TSPAN18: variants seen among roughly 807,000 people sequenced by gnomAD.
The protein encoded by TSPAN18 is tetraspanin-18.
A neutral mutation model predicts 27.3 loss-of-function variants in TSPAN18; 14 were observed. The ratio of observed to expected loss-of-function variants is 0.51; its 90% CI spans 0.34 to 0.80. The LOEUF (loss-of-function observed/expected upper bound fraction) is 0.80, where lower values mean the gene tolerates loss of function less well. Among genes scored for constraint, TSPAN18 ranks in the 30% least tolerant of loss-of-function variants. TSPAN18 has a pLI of 0.01. For missense variants in TSPAN18, 268 were observed against 323.9 expected (o/e 0.83, Z 1.32); for synonymous variants, 143 against 136.5 (o/e 1.05, Z -0.33).
intron 2 of TSPAN18, among the ~76,000 whole-genome samples, chr11:44,786,586 G>A (rs1222516728): frequency 2.0e-5 from 3 of 150,062 alleles, no homozygotes; most frequent in Non-Finnish European, 4.4e-5. Flanking sequence ...GGGTGATGTG[G>A]TCACTTCCCT....
In TSPAN18 at chr11:44,747,516, T is replaced by C. The variant is rs182172888; in HGVS notation, c.-239-16910T>C. ...CTGAGCTGCTCAGGAATCTTAAATA[T>C]GATCGTGAATATGACGGTTGCCATT... On this transcript the variant is annotated intron_variant, in intron 1 of 9. Coordinates refer to ENST00000520358, the MANE Select transcript of TSPAN18 (RefSeq NM_130783.5). 3.9e-5 allele frequency among the ~76,000 whole-genome samples: 6 copies of C among 152,308 alleles called. No individual in the cohort carries two copies. In the East Asian group the frequency reaches 7.7e-4, roughly 20 times the overall value.
chr11:44,787,880 C>T (rs1385331969), intron 2 of TSPAN18, among the ~76,000 whole-genome samples: 2 of 151,446 alleles, frequency 1.3e-5, no homozygotes, highest in Non-Finnish European at 2.9e-5. Flanking sequence ...CCCTTCCCAG[C>T]CTGTGTGTTT....
chr11:44,920,048 G>A (rs767608360), intron 8 of TSPAN18, 49 bp downstream of exon 8: 2 of 1,573,228 alleles, frequency 1.3e-6, no homozygotes, highest in Non-Finnish European at 1.7e-6. Context: ...CGGGATTTGG[G>A]TGGCCAGAGC....
At chr11:44,737,617 CACTT>C (rs912476210) in intron 1 of TSPAN18, among the ~76,000 whole-genome samples, 1 of 152,214 alleles carries the variant, frequency 6.6e-6, no homozygotes, top group Non-Finnish European at 1.5e-5. Flanking sequence ...TCAGCTTACA[CACTT>C]AGTTAGGAAA....
chr11:44,763,235 T>C (rs1026708119), intron 1 of TSPAN18, among the ~76,000 whole-genome samples: 1 of 152,140 alleles, frequency 6.6e-6, no homozygotes, highest in Non-Finnish European at 1.5e-5. Context: ...AGGGGAGAGA[T>C]TGGGGAACTT....
intron 2 of TSPAN18, among the ~76,000 whole-genome samples, chr11:44,787,176 C>G (rs1196619378): frequency 6.6e-6 from 1 of 152,110 alleles, no homozygotes; most frequent in African/African-American, 2.4e-5. Context: ...TCTAAGCTGC[C>G]GATATTTGAG....
intron 7 of TSPAN18, 131 bp from the exon 8 acceptor site, chr11:44,919,686 G>T (rs892288000): frequency 2.7e-5 from 24 of 877,446 alleles, no homozygotes; most frequent in Non-Finnish European, 3.9e-5. Context: ...GTCACACAGT[G>T]GTGACAGGTG....
intron 5 of TSPAN18, 65 bp downstream of exon 5, chr11:44,909,964 C>T: frequency 2.0e-6 from 3 of 1,517,748 alleles, no homozygotes; most frequent in Non-Finnish European, 2.7e-6. Flanking sequence ...TGGCTGCAGA[C>T]TCCCAGGCCC....
At chr11:44,805,139 A>G (rs1856565014) in intron 2 of TSPAN18, among the ~76,000 whole-genome samples, 1 of 152,204 alleles carries the variant, frequency 6.6e-6, no homozygotes, top group Non-Finnish European at 1.5e-5. Flanking sequence ...CCCAGCAGAA[A>G]CAGAGCTGGT....
intron 3 of TSPAN18, among the ~76,000 whole-genome samples, chr11:44,870,894 C>T (rs756393007): frequency 6.6e-6 from 1 of 152,156 alleles, no homozygotes; most frequent in Non-Finnish European, 1.5e-5. Flanking sequence ...TTCTACTCAT[C>T]GTTTCTAGTT....
intron 2 of TSPAN18, among the ~76,000 whole-genome samples, chr11:44,782,619 C>T (rs1290237226): frequency 6.6e-6 from 1 of 151,750 alleles, no homozygotes; most frequent in African/African-American, 2.4e-5. Flanking sequence ...TTGTTTTTCA[C>T]TCCCATCAGC....
At chr11:44,881,895 G>C (rs1350157600) in intron 3 of TSPAN18, among the ~76,000 whole-genome samples, 1 of 152,176 alleles carries the variant, frequency 6.6e-6, no homozygotes, top group African/African-American at 2.4e-5. Flanking sequence ...TTCTATAAAG[G>C]ACCTGTTTCC....
At chr11:44,803,342 G>T (rs928534392) in intron 2 of TSPAN18, among the ~76,000 whole-genome samples, 4 of 152,136 alleles carry the variant, frequency 2.6e-5, no homozygotes, top group African/African-American at 7.2e-5. Context: ...CATGGGTTGG[G>T]GGGGCATTTT....
At chr11:44,771,939 GTGAGTATAGAGGC>G (rs1855698898) in intron 2 of TSPAN18, among the ~76,000 whole-genome samples, 1 of 152,250 alleles carries the variant, frequency 6.6e-6, no homozygotes, top group Non-Finnish European at 1.5e-5. Context: ...ATTGGCTCAT[GTGAGTATAGAGGC>G]CGAGAAATCC....
chr11:44,816,418 G>T (rs371964017), intron 2 of TSPAN18, among the ~76,000 whole-genome samples: 1 of 152,196 alleles, frequency 6.6e-6, no homozygotes, highest in African/African-American at 2.4e-5. Context: ...CATCAGAATC[G>T]AGTGCTATGT....
intron 2 of TSPAN18, among the ~76,000 whole-genome samples, chr11:44,783,198 A>G (rs900879290): frequency 7.2e-5 from 11 of 152,296 alleles, no homozygotes; most frequent in Admixed American, 7.2e-4. Flanking sequence ...AAGAAAACAC[A>G]GGAGAATATC....
At chr11:44,879,242 C>T (rs1300576239) in intron 3 of TSPAN18, among the ~76,000 whole-genome samples, 1 of 151,982 alleles carries the variant, frequency 6.6e-6, no homozygotes, top group East Asian at 1.9e-4. Flanking sequence ...GGAGATTTAT[C>T]CCTCCCTCCC....
intron 2 of TSPAN18, among the ~76,000 whole-genome samples, chr11:44,827,338 T>C (rs1424663516): frequency 1.3e-5 from 2 of 152,230 alleles, no homozygotes; most frequent in African/African-American, 4.8e-5. Flanking sequence ...TTGGGTACCT[T>C]GAGCCATAGC....
intron 2 of TSPAN18, among the ~76,000 whole-genome samples, chr11:44,789,135 G>A (rs539033682): frequency 8.5e-5 from 13 of 152,358 alleles, no homozygotes; most frequent in African/African-American, 2.6e-4. Flanking sequence ...ATTCACCCAG[G>A]GAGAGAGTGT....
Sources: gnomAD v4.1 joint callset for allele counts (sites outside exome capture counted in the v4.1 genomes callset) on GRCh38, gnomAD v4.1.1 for gene constraint, MANE v1.5 for transcripts, NCBI Gene and HGNC (gene_info 2026-07-23, HGNC 2026-07-21) for gene names.